Variants in CFHR5 observed in about 807,000 individuals in gnomAD.
CFHR5 encodes complement factor H related 5, also known as complement factor H-related protein 5.
In CFHR5, 73 loss-of-function variants were observed where a neutral mutation model predicts 62.9. The observed-to-expected ratio is 1.16, with a 90% CI of 0.96 to 1.41. The LOEUF is 1.41. CFHR5 is among the 40% of genes most tolerant of loss of function. The pLI, the probability that CFHR5 is intolerant of heterozygous loss-of-function variation, is 0.00. For missense variants in CFHR5, 779 were observed against 679.9 expected (o/e 1.15, Z -1.62); for synonymous variants, 249 against 227.2 (o/e 1.10, Z -0.86).
chr1:196,988,923 T>A (rs899682119), intron 3 of CFHR5, among the ~76,000 whole-genome samples: 1 of 152,198 alleles, frequency 6.6e-6, no homozygotes, highest in African/African-American at 2.4e-5. Flanking sequence ...TTCTATTGAT[T>A]GGAATAGTTT....
At chr1:196,978,657 C>T (rs181232849) in intron 1 of CFHR5, among the ~76,000 whole-genome samples, 69 of 152,220 alleles carry the variant, frequency 4.5e-4, no homozygotes, top group African/African-American at 1.6e-3. Context: ...AACATTATTT[C>T]TATGGGCCTA....
intron 1 of CFHR5, among the ~76,000 whole-genome samples, chr1:196,979,042 C>T (rs1352446558): frequency 6.6e-6 from 1 of 152,060 alleles, no homozygotes; most frequent in Non-Finnish European, 1.5e-5. Context: ...GCAGAAATAA[C>T]AGACGAAAGC....
chr1:196,983,945 A>T lies in CFHR5; in HGVS notation c.254-16A>T. 1.3e-6 allele frequency: 2 copies of T among 1,591,000 alleles called. No individual in the cohort carries two copies. The highest frequency in any genetic ancestry group is 1.7e-6 in the Non-Finnish European group (2 of 1,162,564). The stretch of plus-strand genomic sequence containing the variant: ...GCTACTTCCATCTTGTACATTAATC[A>T]ATTTTTGTTCCTTAGGAATGTGTTC... On this transcript the variant is annotated splice_polypyrimidine_tract_variant and intron_variant, in intron 2 of 9. Coordinates refer to ENST00000256785, the MANE Select transcript of CFHR5 (RefSeq NM_030787.4).
intron 1 of CFHR5, among the ~76,000 whole-genome samples, chr1:196,981,848 A>G (rs1414111360): frequency 6.6e-6 from 1 of 151,942 alleles, no homozygotes; most frequent in Non-Finnish European, 1.5e-5. Flanking sequence ...AATAATTGTT[A>G]TATTGTATTT....
Position 196,998,191 on chromosome 1 carries a change from C to G in CFHR5, c.1034C>G (p.Ser345Cys). 6.2e-7 allele frequency: 1 copy of G among 1,603,662 alleles called. No homozygotes were observed. Among genetic ancestry groups the G allele is most frequent in the East Asian group, 2.3e-5 (1 of 44,362 alleles). Residue 345 changes from serine (S) to cysteine (C), a missense_variant, in exon 7 of 10, where the codon TCT (serine) becomes TGT (cysteine). By Grantham distance (112) the Ser-to-Cys change is moderately radical. Coordinates refer to ENST00000256785, the MANE Select transcript of CFHR5 (RefSeq NM_030787.4). ...GVNIKTLLKL[S>C]GKEFNHNSRI... ...AATATAAAAACATTACTCAAGCTATCTGGGAAAGAATTTAATCATAATTCT... is the reference window on the plus strand; with the variant it reads ...AATATAAAAACATTACTCAAGCTATGTGGGAAAGAATTTAATCATAATTCT...
At chr1:197,001,726 C>T (rs1010819480) in intron 7 of CFHR5, among the ~76,000 whole-genome samples, 30 of 136,494 alleles carry the variant, frequency 2.2e-4, no homozygotes, top group Admixed American at 1.7e-3. Flanking sequence ...CAACAGCCCC[C>T]GGTGTGTGAT....
intron 4 of CFHR5, among the ~76,000 whole-genome samples, chr1:196,994,932 C>A (rs1470557629): frequency 6.6e-6 from 1 of 152,068 alleles, no homozygotes; most frequent in Non-Finnish European, 1.5e-5. Flanking sequence ...GACTTATTCA[C>A]TATCATGAGA....
Position 196,995,809 on chromosome 1 carries a change from G to A in CFHR5, c.700G>A (p.Glu234Lys), listed in dbSNP as rs755972876. 32 of 1,612,162 alleles carry A rather than the reference G, an allele frequency of 2.0e-5. 1 individual carries two copies. In the East Asian group the frequency reaches 4.7e-4, roughly 24 times the overall value. Residue 234 changes from glutamate to lysine, a missense_variant, in exon 5 of 10, where the codon GAA becomes AAA. Transcript: ENST00000256785. ...GGAATATGGACACAATGAAGTAGTG[G>A]AATATGATTGCAATCCTAATTTTAT... is the stretch of plus-strand genomic sequence containing the variant. ...KEEYGHNEVV[E>K]YDCNPNFIIN...
intron 1 of CFHR5, among the ~76,000 whole-genome samples, chr1:196,981,326 A>C (rs1343228770): frequency 6.6e-6 from 1 of 152,104 alleles, no homozygotes; most frequent in African/African-American, 2.4e-5. Flanking sequence ...TACAATATCA[A>C]GAGTAAACCC....
At chr1:196,987,862 G>A (rs1294260208) in intron 3 of CFHR5, among the ~76,000 whole-genome samples, 1 of 152,066 alleles carries the variant, frequency 6.6e-6, no homozygotes, top group Non-Finnish European at 1.5e-5. Flanking sequence ...CCCCTTTTTT[G>A]ATTCCATATG....
chr1:197,008,621 T>A lies in CFHR5; in HGVS notation c.1648T>A (p.Ser550Thr), dbSNP rs1397586876. The A allele has an allele frequency of 1.9e-6, 3 of 1,613,714 alleles. No homozygotes were observed. The African/African-American group carries it at 4.0e-5, about 22-fold the overall frequency. The change falls in exon 10 of 10, where the codon TCA becomes ACA. Residue 550 changes from serine (S) to threonine (T), a missense_variant. Physicochemically the swap from Ser to Thr is moderately conservative, Grantham distance 58. Transcript: ENST00000256785. ...TAAATTCCCACATAAAGCGATGATATCATCACCACCATTTCGAGCAATCTG... is the reference window on the plus strand; with the variant it reads ...TAAATTCCCACATAAAGCGATGATAACATCACCACCATTTCGAGCAATCTG... ...QCKFPHKAMI[S>T]SPPFRAICQE...
chr1:197,002,328 T>A (rs551111683), intron 7 of CFHR5, among the ~76,000 whole-genome samples, 154 bp from the exon 8 acceptor site: 1 of 152,258 alleles, frequency 6.6e-6, no homozygotes, highest in South Asian at 2.1e-4. Context: ...TTTGTTATTA[T>A]AACATTTATA....
At chr1:196,985,298 A>C (rs1430275600) in intron 3 of CFHR5, among the ~76,000 whole-genome samples, 1 of 152,188 alleles carries the variant, frequency 6.6e-6, no homozygotes, top group Non-Finnish European at 1.5e-5. Context: ...TTATGACTGC[A>C]CCAGTGCACT....
In CFHR5 at chr1:196,983,956, C is replaced by T. The variant is rs185709089; in HGVS notation, c.254-5C>T. On this transcript the variant is annotated splice_region_variant and splice_polypyrimidine_tract_variant and intron_variant, in intron 2 of 9. Transcript: ENST00000256785. ...CTTGTACATTAATCAATTTTTGTTCCTTAGGAATGTGTTCCTTTCCTTTTG... is the reference window on the plus strand; with the variant it reads ...CTTGTACATTAATCAATTTTTGTTCTTTAGGAATGTGTTCCTTTCCTTTTG... The T allele has an allele frequency of 4.4e-3, 7,046 of 1,601,726 alleles. 20 individuals carry two copies. Among genetic ancestry groups the T allele is most frequent in the Non-Finnish European group, 5.1e-3 (6,022 of 1,171,946 alleles).
At chr1:196,990,844 G>A (rs1653825059) in intron 3 of CFHR5, among the ~76,000 whole-genome samples, 1 of 151,726 alleles carries the variant, frequency 6.6e-6, no homozygotes, top group Non-Finnish European at 1.5e-5. Flanking sequence ...TGACAATTAT[G>A]TGTCCTGCTC....
Position 197,006,301 on chromosome 1 carries a change from CA to C in CFHR5, c.1513+1465del, listed in dbSNP as rs563183789. On this transcript the variant is annotated intron_variant, in intron 9 of 9. Transcript: ENST00000256785. ...ACACACAATCACGAAAACAAACAAG[CA>C]AAAAAACCCATCATAGATATCTGGA... Among the ~76,000 whole-genome samples the C allele has an allele frequency of 1.6e-3, 242 of 151,816 alleles. 2 individuals carry two copies. The highest frequency in any genetic ancestry group is 5.6e-3 in the African/African-American group (231 of 41,430).
At chr1:197,003,010 T>C (rs1340828898) in intron 8 of CFHR5, among the ~76,000 whole-genome samples, 1 of 152,180 alleles carries the variant, frequency 6.6e-6, no homozygotes, top group African/African-American at 2.4e-5. Context: ...TGTACAGGTT[T>C]GTGGCCTAGG....
At chr1:196,988,623 A>T (rs1418248469) in intron 3 of CFHR5, among the ~76,000 whole-genome samples, 1 of 152,164 alleles carries the variant, frequency 6.6e-6, no homozygotes, top group Admixed American at 6.5e-5. Context: ...ATCTATTGAG[A>T]TAATCACGTG....
chr1:196,985,743 C>A (rs1653668545), intron 3 of CFHR5, among the ~76,000 whole-genome samples: 3 of 152,156 alleles, frequency 2.0e-5, no homozygotes, highest in Admixed American at 1.3e-4. Flanking sequence ...TGTGTACAGT[C>A]TGTAAGATTT....
Sources: gnomAD v4.1 joint callset for allele counts (sites outside exome capture counted in the v4.1 genomes callset) on GRCh38, gnomAD v4.1.1 for gene constraint, MANE v1.5 for transcripts, NCBI Gene and HGNC (gene_info 2026-07-23, HGNC 2026-07-21) for gene names.